The following ZBTB21 variants were observed in gnomAD, a reference collection of about 807,000 sequenced individuals.
The protein encoded by ZBTB21 is zinc finger and BTB domain-containing protein 21.
A neutral mutation model predicts 39.8 loss-of-function variants in ZBTB21; 10 were observed. That is an observed-to-expected ratio of 0.25 (90% confidence interval 0.16 to 0.43). The LOEUF is 0.43. Ranked by LOEUF, ZBTB21 falls within the 20% of genes least tolerant of loss-of-function variation. The pLI is 1.00. For missense variants in ZBTB21, 1,221 were observed against 1,296.3 expected, an observed-to-expected ratio of 0.94 and a Z score of 0.89; for synonymous variants, 551 against 498.8, an observed-to-expected ratio of 1.10 and a Z score of -1.40.
chr21:42,004,639 G>T (rs756268685), intron 1 of ZBTB21, among the ~76,000 whole-genome samples: 9 of 152,250 alleles, frequency 5.9e-5, no homozygotes, highest in Non-Finnish European at 1.5e-5. Context: ...ACAGGAAAAT[G>T]GCTCTTTACA....
chr21:41,996,684 T>C lies in ZBTB21; in HGVS notation c.-13-2576A>G, dbSNP rs577622696. On this transcript the variant is annotated intron_variant, in intron 2 of 2. Transcript: ENST00000310826. The stretch of plus-strand genomic sequence containing the variant: ...TGATTGGTTTTGAAATGTGAAGACA[T>C]GAGATTTGGGAGGGGCCCAGGGTGG... Among the ~76,000 whole-genome samples the C allele has an allele frequency of 4.3e-4, 65 of 152,302 alleles. 1 individual carries two copies. Among genetic ancestry groups the C allele is most frequent in the African/African-American group, 1.4e-3 (59 of 41,554 alleles).
intron 2 of ZBTB21, among the ~76,000 whole-genome samples, chr21:41,995,381 C>T (rs757424895): frequency 2.0e-5 from 3 of 152,110 alleles, no homozygotes; most frequent in Non-Finnish European, 4.4e-5. Context: ...AAAGGTGACT[C>T]GTTATGTTTT....
At chr21:42,007,593 A>G (rs2065895163) in intron 1 of ZBTB21, among the ~76,000 whole-genome samples, 1 of 152,238 alleles carries the variant, frequency 6.6e-6, no homozygotes, top group Non-Finnish European at 1.5e-5. Context: ...GCCCCTAGCC[A>G]GCAGCTCAGT....
intron 1 of ZBTB21, among the ~76,000 whole-genome samples, chr21:42,008,941 G>A (rs2065919047): frequency 6.6e-6 from 1 of 152,190 alleles, no homozygotes; most frequent in Non-Finnish European, 1.5e-5. Context: ...AGCTTTAAAA[G>A]ATAATTTTCC....
intron 1 of ZBTB21, among the ~76,000 whole-genome samples, chr21:42,003,422 G>C (rs1224835966): frequency 1.3e-5 from 2 of 152,188 alleles, no homozygotes; most frequent in Non-Finnish European, 2.9e-5. Flanking sequence ...AATGCTACGG[G>C]AATACTGATT....
At chr21:42,000,348 C>G (rs945251451) in intron 2 of ZBTB21, among the ~76,000 whole-genome samples, 6 of 152,174 alleles carry the variant, frequency 3.9e-5, no homozygotes, top group Non-Finnish European at 5.9e-5. Flanking sequence ...TTCCTGGGAT[C>G]AGTTCCCAAA....
chr21:41,991,501 G>A lies in ZBTB21; in HGVS notation c.2595C>T (p.Pro865=), dbSNP rs370263883. 63 of 1,613,990 alleles carry A rather than the reference G, an allele frequency of 3.9e-5. No homozygotes were observed. Among genetic ancestry groups the A allele is most frequent in the Non-Finnish European group, 4.7e-5 (56 of 1,180,042 alleles). The change falls in exon 3 of 3, where the codon CCC becomes CCT. Residue 865 remains proline (P), a synonymous_variant. Transcript: ENST00000310826. The surrounding 1 kb of genome is among the most constrained non-coding windows in gnomAD (Gnocchi z 4.9). ...GTTGCTTGGAAAGACTAAGGTCTTC[G>A]GGAAGACAAGAGGAATCTTCCGAGT... ...NFDSEDSSCL[P]EDLSLSKQLK...
intron 1 of ZBTB21, among the ~76,000 whole-genome samples, chr21:42,008,540 C>CAAAAAAAAAA (rs68176203): frequency 2.8e-4 from 17 of 60,320 alleles, no homozygotes; most frequent in African/African-American, 8.9e-4. Context: ...GAAACTCTGT[C>CAAAAAAAAAA]AAAAAAAAAA....
At chr21:41,997,079 G>A (rs1428425667) in intron 2 of ZBTB21, among the ~76,000 whole-genome samples, 2 of 151,968 alleles carry the variant, frequency 1.3e-5, no homozygotes, top group South Asian at 2.1e-4. Flanking sequence ...ATTACACCTG[G>A]GTAATTTTTT....
At position 41,999,734 on chromosome 21, in the gene ZBTB21, A is replaced by C. The variant is rs889121117; in HGVS notation, c.-14+3163T>G. On this transcript the variant is annotated intron_variant, in intron 2 of 2. Coordinates refer to ENST00000310826, the MANE Select transcript of ZBTB21 (RefSeq NM_001098402.2). ...GATGAGCCATGGAGATAAATGGAGG[A>C]AGAACATCACAACAAAGGGAGAAGC... is the stretch of plus-strand genomic sequence containing the variant. Among the ~76,000 whole-genome samples the C allele has an allele frequency of 4.6e-5, 7 of 152,188 alleles. No individual in the cohort carries two copies. In the East Asian group the frequency reaches 1.3e-3, roughly 29 times the overall value.
chr21:41,992,033 T>TTAA lies in ZBTB21; in HGVS notation c.2062_2063insTTA (p.His688delinsLeuAsn), dbSNP rs2065667404. On this transcript the variant is annotated protein_altering_variant, in exon 3 of 3. Coordinates refer to ENST00000310826, the MANE Select transcript of ZBTB21 (RefSeq NM_001098402.2). The surrounding 1 kb of genome is among the most constrained non-coding windows in gnomAD (Gnocchi z 4.1). ...TTTTTCTCCTGGATGCATTTTTATA[T>TTAA]GCTGCTTAAATTGAGAGAGAAAGCG... 6.2e-7 allele frequency: 1 copy of TTAA among 1,614,144 alleles called. No homozygotes were observed.
intron 1 of ZBTB21, among the ~76,000 whole-genome samples, chr21:42,006,042 A>C (rs891302851): frequency 1.3e-5 from 2 of 152,206 alleles, no homozygotes; most frequent in African/African-American, 4.8e-5. Flanking sequence ...AAAATAATAA[A>C]AACAATTGTT....
chr21:41,991,520 T>C lies in ZBTB21; in HGVS notation c.2576A>G (p.Glu859Gly). 1.2e-6 allele frequency: 2 copies of C among 1,614,208 alleles called. No homozygotes were observed. The highest frequency in any genetic ancestry group is 1.7e-6 in the Non-Finnish European group (2 of 1,180,044). Residue 859 changes from glutamate (E) to glycine (G), a missense_variant, in exon 3 of 3, where the codon GAA (glutamate) becomes GGA (glycine). Glu to Gly is a moderately conservative substitution (Grantham distance 98). Around this residue, in one of 4 missense-constraint regions of ZBTB21, gnomAD observed 523 missense variants for 542.5 expected, o/e 0.96. Coordinates refer to ENST00000310826, the MANE Select transcript of ZBTB21 (RefSeq NM_001098402.2). The surrounding 1 kb of genome is among the most constrained non-coding windows in gnomAD (Gnocchi z 4.9). Reference sequence around the variant, plus strand: ...GTCTTCGGGAAGACAAGAGGAATCTTCCGAGTCGAAGTTAACTTGTTCTGA... The same window carrying C: ...GTCTTCGGGAAGACAAGAGGAATCTCCCGAGTCGAAGTTAACTTGTTCTGA... ...DSSEQVNFDSEDSSCLPEDLS... is the reference protein window; with the variant it reads ...DSSEQVNFDSGDSSCLPEDLS...
rs2065663480 is a variant in ZBTB21 at position 41,991,859 on chromosome 21, T to C, written c.2237A>G (p.Asn746Ser). 1 of 1,614,214 alleles carries C rather than the reference T, an allele frequency of 6.2e-7. No individual in the cohort carries two copies. Among genetic ancestry groups the C allele is most frequent in the African/African-American group, 1.3e-5 (1 of 75,076 alleles). ...EQGSHERLCR[N>S]AAVCPYCSLR... ...GCTGCAGTAAGGGCAGACGGCCGCG[T>C]TCCGGCACAGCCGCTCGTGGCTTCC... Residue 746 changes from asparagine to serine, a missense_variant, in exon 3 of 3, where the codon AAC becomes AGC. Physicochemically the swap from Asn to Ser is conservative, Grantham distance 46. Coordinates refer to ENST00000310826, the MANE Select transcript of ZBTB21 (RefSeq NM_001098402.2). This position sits in a 1 kb window ranked among gnomAD's most constrained non-coding sequence, Gnocchi z 4.9.
rs1187868447 is a variant in ZBTB21, at chr21:41,992,975, C to G, written c.1121G>C (p.Gly374Ala). 5 of 1,614,104 alleles carry G rather than the reference C, an allele frequency of 3.1e-6. No homozygotes were observed. In the South Asian group the frequency reaches 3.3e-5, roughly 11 times the overall value. Residue 374 changes from glycine (G) to alanine (A), a missense_variant, in exon 3 of 3, where the codon GGG becomes GCG. Coordinates refer to ENST00000310826, the MANE Select transcript of ZBTB21 (RefSeq NM_001098402.2). This position sits in a 1 kb window ranked among gnomAD's most constrained non-coding sequence, Gnocchi z 4.1. ...CTGAGATAAAGCACACAACACATTC[C>G]CTGGTGCATCACTGGACACCGAAGA... Reference protein sequence around the residue: ...GSSSVSSDAPGNVLCALSQKS... With the variant: ...GSSSVSSDAPANVLCALSQKS...
intron 2 of ZBTB21, among the ~76,000 whole-genome samples, chr21:41,994,962 C>T (rs142712561): frequency 6.6e-6 from 1 of 152,298 alleles, no homozygotes; most frequent in African/African-American, 2.4e-5. Flanking sequence ...TTCCCTGCTG[C>T]CATGTGAGAT....
At chr21:41,994,398 A>G (rs1352831016) in intron 2 of ZBTB21, among the ~76,000 whole-genome samples, 2 of 152,228 alleles carry the variant, frequency 1.3e-5, no homozygotes, top group African/African-American at 4.8e-5. Context: ...ATATGGAAGC[A>G]ATATTTGAAA....
rs768531698 is a variant in ZBTB21 at position 41,986,974 on chromosome 21, G to A, written c.*3921C>T. 2 of 152,528 alleles carry A rather than the reference G, an allele frequency of 1.3e-5. No individual in the cohort carries two copies. Among genetic ancestry groups the A allele is most frequent in the South Asian group, 2.1e-4 (1 of 4,830 alleles). 9.4% of individuals were successfully genotyped at this position (152,528 alleles called of 1,614,324 possible). A position where few individuals can be genotyped will look rare whatever the true frequency, so the allele number is the denominator to read the frequency against. ...CTATTTTACCATGAATTTTCAGTTCGAAAAAGCTTATTCCTAAGTAAAATG... is the reference window on the plus strand; with the variant it reads ...CTATTTTACCATGAATTTTCAGTTCAAAAAAGCTTATTCCTAAGTAAAATG... On this transcript the variant is annotated 3_prime_UTR_variant, in exon 3 of 3. Coordinates refer to ENST00000310826, the MANE Select transcript of ZBTB21 (RefSeq NM_001098402.2).
chr21:42,006,694 T>A (rs2146344842), intron 1 of ZBTB21, among the ~76,000 whole-genome samples: 1 of 152,218 alleles, frequency 6.6e-6, no homozygotes, highest in South Asian at 2.1e-4. Flanking sequence ...CCTCCCAAAT[T>A]TATATGATAA....
Sources: gnomAD v4.1 joint callset for allele counts (sites outside exome capture counted in the v4.1 genomes callset) on GRCh38, gnomAD v4.1.1 for gene constraint, gnomAD v4.1.1 regional missense constraint, Gnocchi (gnomAD v3.1) non-coding constraint, MANE v1.5 for transcripts, NCBI Gene and HGNC (gene_info 2026-07-23, HGNC 2026-07-21) for gene names.